The following CFH variants were observed in gnomAD, a reference collection of about 807,000 sequenced individuals.
CFH encodes H factor 1 (complement).
CFH carries 53 observed loss-of-function variants against 147.3 expected under a neutral mutation model. The ratio of observed to expected loss-of-function variants is 0.36; its 90% CI spans 0.29 to 0.45. The LOEUF is 0.45. Among genes scored for constraint, CFH ranks in the 20% least tolerant of loss-of-function variants. CFH has a pLI of 1.00. For synonymous variants in CFH, 536 were observed against 489.4 expected (o/e 1.10, Z -1.26); for missense variants, 1,380 against 1,498.0 (o/e 0.92, Z 1.30).
chr1:196,706,552 T>C (rs999819946), intron 9 of CFH, among the ~76,000 whole-genome samples: 7 of 152,160 alleles, frequency 4.6e-5, no homozygotes, highest in South Asian at 2.1e-4. Flanking sequence ...GAGAATTCGA[T>C]TGAGACTTTG....
chr1:196,736,041 C>T (rs1361904016), intron 15 of CFH, among the ~76,000 whole-genome samples: 1 of 151,846 alleles, frequency 6.6e-6, no homozygotes, highest in Admixed American at 6.6e-5. Context: ...TAAACTCCCC[C>T]GTCAGTCAAA....
At chr1:196,713,611 C>T (rs573266658) in intron 9 of CFH, 124 bp from the exon 10 acceptor site, 6 of 664,060 alleles carry the variant, frequency 9.0e-6, no homozygotes, top group Admixed American at 2.6e-5. Flanking sequence ...TATTTGAATG[C>T]TTATGGTTAT....
At chr1:196,695,405 T>C (rs1051979995) in intron 9 of CFH, among the ~76,000 whole-genome samples, 2 of 152,220 alleles carry the variant, frequency 1.3e-5, no homozygotes, top group Non-Finnish European at 2.9e-5. Context: ...TTTTGGTTAC[T>C]GTAGTCTTGT....
In CFH at chr1:196,679,564, C is replaced by T. The variant is rs1198832009; in HGVS notation, c.620-59C>T. 6 of 1,268,102 alleles carry T rather than the reference C, an allele frequency of 4.7e-6. No individual in the cohort carries two copies. The African/African-American group carries it at 8.8e-5, about 19-fold the overall frequency. The allele number at this position is 1,268,102 out of a possible 1,614,324, so 78.6% of individuals were successfully genotyped here. A position where few individuals can be genotyped will look rare whatever the true frequency, so the allele number is the denominator to read the frequency against. On this transcript the variant is annotated intron_variant, in intron 5 of 21. Transcript: ENST00000367429. ...CATTTCTGTTTTCATATAATTATGT[C>T]CTGGTCACAGTCCTTTAATTTGCAA... is the stretch of plus-strand genomic sequence containing the variant.
At position 196,670,442 on chromosome 1, in the gene CFH, G is replaced by T. The variant is rs549269338; in HGVS notation, c.59-2536G>T. 3.3e-5 allele frequency among the ~76,000 whole-genome samples: 5 copies of T among 152,284 alleles called. No individual in the cohort carries two copies. The South Asian group carries it at 1.0e-3, about 32-fold the overall frequency. On this transcript the variant is annotated intron_variant, in intron 1 of 21. Coordinates refer to ENST00000367429, the MANE Select transcript of CFH (RefSeq NM_000186.4). ...GTGTGTTGAGGGAAGGACCCAGTGG[G>T]ACGTGCTTGGATCATGGGGCAGTTT...
rs1225918440 is a variant in CFH at position 196,661,025 on chromosome 1, T to C, written c.58+8850T>C. ...ATCAAATGGATCTAAATTTTGAAAG[T>C]GAAAAACAAACATATCAGCTTGTAA... On this transcript the variant is annotated intron_variant, in intron 1 of 21. Coordinates refer to ENST00000367429, the MANE Select transcript of CFH (RefSeq NM_000186.4). 2.4e-4 allele frequency among the ~76,000 whole-genome samples: 37 copies of C among 152,212 alleles called. 1 individual carries two copies. Among genetic ancestry groups the C allele is most frequent in the Admixed American group, 2.4e-3 (36 of 15,288 alleles).
intron 9 of CFH, among the ~76,000 whole-genome samples, chr1:196,690,705 G>T (rs1170120162): frequency 1.3e-5 from 2 of 152,090 alleles, no homozygotes; most frequent in East Asian, 3.9e-4. Flanking sequence ...GCCCCTGGTG[G>T]AGTGCACTGG....
In CFH at chr1:196,685,179, C is replaced by G. The variant is rs148552495; in HGVS notation, c.906C>G (p.Thr302=). The G allele has an allele frequency of 2.0e-5, 33 of 1,612,838 alleles. No individual in the cohort carries two copies. Among genetic ancestry groups the G allele is most frequent in the Non-Finnish European group, 2.8e-5 (33 of 1,179,394 alleles). The change falls in exon 7 of 22, where the codon ACC becomes ACG. Residue 302 remains threonine (T), a synonymous_variant. Coordinates refer to ENST00000367429, the MANE Select transcript of CFH (RefSeq NM_000186.4). ...GTAGAAATGGTTTTTATCCTGCAAC[C>G]CGGGGAAATACAGCAAAATGCACAA... The part of the protein sequence containing the change: ...YQCRNGFYPA[T]RGNTAKCTST...
chr1:196,747,088 T>C, intron 21 of CFH, 23 bp from the exon 22 acceptor site: 1 of 1,613,532 alleles, frequency 6.2e-7, no homozygotes, highest in Non-Finnish European at 8.5e-7. Context: ...TAATGTTTTA[T>C]GTTTACTGTT....
In CFH at chr1:196,736,816, T is replaced by C. The variant is rs1184043689; in HGVS notation, c.2414-8T>C. 6.1e-6 allele frequency: 8 copies of C among 1,319,398 alleles called. No individual in the cohort carries two copies. The highest frequency in any genetic ancestry group is 5.1e-5 in the South Asian group (2 of 39,450). The allele number at this position is 1,319,398 out of a possible 1,614,324, so 81.7% of individuals were successfully genotyped here. ...TATAACATTAATTATATTTTTAATA[T>C]TTTTTAGTGGCACAAATACAATTAT... On this transcript the variant is annotated splice_region_variant and splice_polypyrimidine_tract_variant and intron_variant, in intron 15 of 21. Coordinates refer to ENST00000367429, the MANE Select transcript of CFH (RefSeq NM_000186.4).
At chr1:196,697,317 C>G (rs1039159365) in intron 9 of CFH, among the ~76,000 whole-genome samples, 1 of 151,900 alleles carries the variant, frequency 6.6e-6, no homozygotes, top group African/African-American at 2.4e-5. Context: ...AAGAAAAAAA[C>G]AAACAACCCC....
intron 7 of CFH, among the ~76,000 whole-genome samples, chr1:196,687,828 G>A (rs1456739700): frequency 6.6e-6 from 1 of 151,910 alleles, no homozygotes; most frequent in African/African-American, 2.4e-5. Flanking sequence ...AACACTGGGA[G>A]CTTCAGATAA....
chr1:196,727,112 A>T lies in CFH; in HGVS notation c.2236+172A>T, dbSNP rs148779397. Among the ~76,000 whole-genome samples the T allele has an allele frequency of 5.5e-3, 841 of 152,306 alleles. 9 individuals are homozygous for T. Among genetic ancestry groups the T allele is most frequent in the African/African-American group, 0.019 (808 of 41,576 alleles). On this transcript the variant is annotated intron_variant, in intron 14 of 21. Transcript: ENST00000367429. ...ATAATTCAATATGTGTCTAGAAAGA[A>T]AAAATAAAGCTAGTAATATAATTTT...
Position 196,741,950 on chromosome 1 carries a change from G to T in CFH, c.3032G>T (p.Gly1011Val). Residue 1011 changes from glycine (G) to valine (V), a missense_variant, in exon 19 of 22, where the codon GGT (glycine) becomes GTT (valine). Gly to Val is a moderately radical substitution (Grantham distance 109, BLOSUM62 -3). This residue lies in a region of CFH where 830 missense variants were observed against 821.4 expected (regional missense o/e 1.01). Coordinates refer to ENST00000367429, the MANE Select transcript of CFH (RefSeq NM_000186.4). ...GAGAAGAAGGATGTGTATAAGGCGGGTGAGCAAGTGACTTACACTTGTGCA... is the reference window on the plus strand; with the variant it reads ...GAGAAGAAGGATGTGTATAAGGCGGTTGAGCAAGTGACTTACACTTGTGCA... Reference protein sequence around the residue: ...MGEKKDVYKAGEQVTYTCATY... With the variant: ...MGEKKDVYKAVEQVTYTCATY... The T allele has an allele frequency of 6.2e-7, 1 of 1,614,158 alleles. No individual in the cohort carries two copies. The highest frequency in any genetic ancestry group is 8.5e-7 in the Non-Finnish European group (1 of 1,179,980).
intron 6 of CFH, among the ~76,000 whole-genome samples, chr1:196,683,501 T>A (rs914106902): frequency 6.6e-6 from 1 of 151,600 alleles, no homozygotes; most frequent in Non-Finnish European, 1.5e-5. Flanking sequence ...GATTTTGGTT[T>A]TGAAGGGGAG....
chr1:196,737,257 G>T (rs1669428993), intron 16 of CFH, among the ~76,000 whole-genome samples: 1 of 152,128 alleles, frequency 6.6e-6, no homozygotes, highest in Non-Finnish European at 1.5e-5. Flanking sequence ...TCCTTGTGAT[G>T]AACAAGACAT....
rs200644601 is a variant in CFH, at chr1:196,690,213, C to A, written c.1310C>A (p.Ser437Tyr). ...GTTACATGTATGGAGAATGGCTGGT[C>A]TCCTACTCCCAGATGCATCCGTGTC... is the stretch of plus-strand genomic sequence containing the variant. Reference protein sequence around the residue: ...TTVTCMENGWSPTPRCIRVKT... With the variant: ...TTVTCMENGWYPTPRCIRVKT... The change falls in exon 9 of 22, where the codon TCT becomes TAT. Residue 437 changes from serine (S) to tyrosine (Y), a missense_variant. This residue lies in a region of CFH where 830 missense variants were observed against 821.4 expected (regional missense o/e 1.01). Coordinates refer to ENST00000367429, the MANE Select transcript of CFH (RefSeq NM_000186.4). The A allele has an allele frequency of 1.2e-6, 2 of 1,613,352 alleles. No individual in the cohort carries two copies. The highest frequency in any genetic ancestry group is 4.5e-5 in the East Asian group (2 of 44,820).
chr1:196,725,661 G>C (rs1358618514), intron 12 of CFH, among the ~76,000 whole-genome samples: 1 of 152,164 alleles, frequency 6.6e-6, no homozygotes, highest in Non-Finnish European at 1.5e-5. Flanking sequence ...CATTCAGTGA[G>C]AGCCACAGAA....
In CFH at chr1:196,673,963, G is replaced by T; in HGVS notation, c.350+1G>T. Reference sequence around the variant, plus strand: ...AAGCTGTGTATACATGTAATGAGGGGTATGTAGTCCATACGAAAAGAGGTT... The same window carrying T: ...AAGCTGTGTATACATGTAATGAGGGTTATGTAGTCCATACGAAAAGAGGTT... On this transcript the variant is annotated splice_donor_variant, in intron 3 of 21. Coordinates refer to ENST00000367429, the MANE Select transcript of CFH (RefSeq NM_000186.4). LOFTEE classifies it high-confidence loss of function. 2.5e-6 allele frequency: 4 copies of T among 1,584,800 alleles called. No homozygotes were observed. The highest frequency in any genetic ancestry group is 1.3e-5 in the African/African-American group (1 of 74,390).
Sources: gnomAD v4.1 joint callset for allele counts (sites outside exome capture counted in the v4.1 genomes callset) on GRCh38, gnomAD v4.1.1 for gene constraint, gnomAD v4.1.1 regional missense constraint, MANE v1.5 for transcripts, NCBI Gene and HGNC (gene_info 2026-07-23, HGNC 2026-07-21) for gene names.